MTMR8: variants seen among roughly 807,000 people sequenced by gnomAD.
MTMR8 encodes phosphatidylinositol-3,5-bisphosphate 3-phosphatase MTMR8.
MTMR8 carries 65 observed loss-of-function variants against 39.3 expected under a neutral mutation model. The ratio of observed to expected loss-of-function variants is 1.65; its 90% CI spans 1.35 to 2.03. The LOEUF is 2.03. Ranked by LOEUF, MTMR8 falls within the 30% of genes most tolerant of loss-of-function variation. The pLI is 0.00. For synonymous variants in MTMR8, 245 were observed against 185.2 expected (o/e 1.32, Z -2.62); for missense variants, 777 against 538.9 (o/e 1.44, Z -4.37).
chrX:64,312,079 A>G (rs900875399), intron 12 of MTMR8, among the ~76,000 whole-genome samples: 2 of 111,238 alleles, frequency 1.8e-5, no homozygotes, highest in African/African-American at 3.3e-5. Flanking sequence ...CATTGAATCT[A>G]TAAATTACCT....
In MTMR8 at chrX:64,348,701, G is replaced by A. The variant is rs1312322626; in HGVS notation, c.691C>T (p.Pro231Ser). The A allele has an allele frequency of 6.0e-5, 73 of 1,209,022 alleles. No individual in the cohort carries two copies. Among genetic ancestry groups the A allele is most frequent in the Non-Finnish European group, 7.8e-5 (70 of 894,537 alleles). ...LLLEAISQTNPGSQFMYVVDT... is the reference protein window; with the variant it reads ...LLLEAISQTNSGSQFMYVVDT... ...ACAACATACATAAACTGGCTCCCTG[G>A]GTTTGTTTGGCTAATGGCCTCCAAC... Residue 231 changes from proline to serine, a missense_variant, in exon 6 of 14, where the codon CCA becomes TCA. Pro to Ser is a moderately conservative substitution (Grantham distance 74). Coordinates refer to ENST00000374852, the MANE Select transcript of MTMR8 (RefSeq NM_017677.4).
intron 12 of MTMR8, among the ~76,000 whole-genome samples, chrX:64,301,098 T>C (rs1427891523): frequency 9.4e-5 from 10 of 106,809 alleles, no homozygotes; most frequent in African/African-American, 3.4e-4. Context: ...GCGTTCTCTG[T>C]ATTTCCTGAA....
intron 12 of MTMR8, among the ~76,000 whole-genome samples, chrX:64,313,002 T>C (rs1251846541): frequency 8.9e-6 from 1 of 112,218 alleles, no homozygotes; most frequent in Non-Finnish European, 1.9e-5. Flanking sequence ...CAGAATAGAT[T>C]TATTATAATT....
At chrX:64,363,623 C>G (rs1923857922) in intron 1 of MTMR8, among the ~76,000 whole-genome samples, 1 of 111,980 alleles carries the variant, frequency 8.9e-6, no homozygotes, top group Non-Finnish European at 1.9e-5. Context: ...CTCTTCTTTT[C>G]TAATATGGCC....
chrX:64,363,245 GT>G (rs1185316704), intron 1 of MTMR8, among the ~76,000 whole-genome samples: 1 of 111,988 alleles, frequency 8.9e-6, no homozygotes, highest in Non-Finnish European at 1.9e-5. Flanking sequence ...AGGTAATACA[GT>G]TTGGATACTT....
intron 2 of MTMR8, among the ~76,000 whole-genome samples, chrX:64,358,220 G>A (rs1366160277): frequency 9.0e-6 from 1 of 111,726 alleles, no homozygotes; most frequent in Admixed American, 9.5e-5. Context: ...AGCCCAAGGA[G>A]TAAGAATCAC....
intron 12 of MTMR8, among the ~76,000 whole-genome samples, chrX:64,299,795 G>T (rs1921775511): frequency 1.0e-5 from 1 of 100,442 alleles, no homozygotes; most frequent in Non-Finnish European, 2.0e-5. Flanking sequence ...GTTCTCGTTG[G>T]TTTCAAAGAA....
chrX:64,296,751 C>A (rs1921609170), intron 12 of MTMR8, among the ~76,000 whole-genome samples: 3 of 95,932 alleles, frequency 3.1e-5, no homozygotes, highest in Admixed American at 1.2e-4. Flanking sequence ...CCAACACAGT[C>A]CCCAGAGTGT....
rs375171592 is a variant in MTMR8, at chrX:64,349,929, C to A, written c.597+13G>T. 2 of 1,122,725 alleles carry A rather than the reference C, an allele frequency of 1.8e-6. No homozygotes were observed. The highest frequency in any genetic ancestry group is 3.7e-5 in the African/African-American group (2 of 53,756). 92.5% of individuals were successfully genotyped at this position (1,122,725 alleles called of 1,213,427 possible). ...CATGTTTAATTATCATTAGAGAAATCTGCTTAACTTACATTGTTCTCTTTG... is the reference window on the plus strand; with the variant it reads ...CATGTTTAATTATCATTAGAGAAATATGCTTAACTTACATTGTTCTCTTTG... On this transcript the variant is annotated intron_variant, in intron 5 of 13. Transcript: ENST00000374852.
chrX:64,326,167 G>A (rs762619813), intron 12 of MTMR8, among the ~76,000 whole-genome samples: 2 of 111,425 alleles, frequency 1.8e-5, no homozygotes, highest in African/African-American at 3.3e-5. Context: ...TATCATCTTT[G>A]TGTTGAGTAG....
intron 12 of MTMR8, among the ~76,000 whole-genome samples, chrX:64,280,802 T>C (rs919625588): frequency 1.3e-4 from 14 of 111,576 alleles, no homozygotes; most frequent in African/African-American, 4.2e-4. Flanking sequence ...GAAAACATTA[T>C]TGTCTCAGTT....
In MTMR8 at chrX:64,331,578, T is replaced by C; in HGVS notation, c.1331A>G (p.Gln444Arg). The change falls in exon 11 of 14, where the codon CAG becomes CGG. Residue 444 changes from glutamine to arginine, a missense_variant. Gln to Arg is a conservative substitution (Grantham distance 43, BLOSUM62 1). Transcript: ENST00000374852. Reference protein sequence around the residue: ...CQFGNFLGNCQKDREDLRVYE... With the variant: ...CQFGNFLGNCRKDREDLRVYE... ...TCACCTTAGATCTTCCCGATCCTTC[T>C]GGCAGTTACCAAGGAAGTTTCCAAA... 1 of 1,210,546 alleles carries C rather than the reference T, an allele frequency of 8.3e-7. No individual in the cohort carries two copies. The highest frequency in any genetic ancestry group is 1.1e-6 in the Non-Finnish European group (1 of 894,715).
intron 12 of MTMR8, among the ~76,000 whole-genome samples, chrX:64,298,581 G>T (rs1221696291): frequency 1.1e-5 from 1 of 88,217 alleles, no homozygotes; most frequent in Non-Finnish European, 1.9e-5. Flanking sequence ...TCCTTCTCCT[G>T]TCTAATTGCC....
intron 12 of MTMR8, among the ~76,000 whole-genome samples, chrX:64,272,796 T>C (rs1931790278): frequency 9.0e-6 from 1 of 111,711 alleles, no homozygotes; most frequent in African/African-American, 3.3e-5. Flanking sequence ...ACTTGTCATA[T>C]GCAGGAAAAT....
In MTMR8 at chrX:64,278,459, GGTTTTTTTTTTTTT is replaced by G. The variant is rs1470222943; in HGVS notation, c.1482-7400_1482-7387del. ...TGATGTTGATGCTATTTATTTTGCT[GGTTTTTTTTTTTTT>G]TTTTTTTTTTTTTTTTTTGAGATGG... On this transcript the variant is annotated intron_variant, in intron 12 of 13. Coordinates refer to ENST00000374852, the MANE Select transcript of MTMR8 (RefSeq NM_017677.4). 6.4e-4 allele frequency among the ~76,000 whole-genome samples: 32 copies of G among 49,868 alleles called. 1 individual carries two copies. Among genetic ancestry groups the G allele is most frequent in the African/African-American group, 3.5e-3 (31 of 8,741 alleles). The allele number at this position is 49,868 out of a possible 115,157, so 43.3% of individuals were successfully genotyped here. A position where few individuals can be genotyped will look rare whatever the true frequency, so the allele number is the denominator to read the frequency against.
In MTMR8 at chrX:64,286,003, CA is replaced by C. The variant is rs201817818; in HGVS notation, c.1482-14931del. 7.2e-5 allele frequency among the ~76,000 whole-genome samples: 8 copies of C among 111,278 alleles called. No homozygotes were observed. In the East Asian group the frequency reaches 1.7e-3, roughly 24 times the overall value. On this transcript the variant is annotated intron_variant, in intron 12 of 13. Coordinates refer to ENST00000374852, the MANE Select transcript of MTMR8 (RefSeq NM_017677.4). ...AGCAGAAATGAAGGACACAGAGACACAAAAAACTCTTCAAAAAATCAATGAA... is the reference window on the plus strand; with the variant it reads ...AGCAGAAATGAAGGACACAGAGACACAAAAACTCTTCAAAAAATCAATGAA...
At position 64,328,775 on chromosome X, in the gene MTMR8, A is replaced by G; in HGVS notation, c.1478T>C (p.Ile493Thr). 1 of 1,156,158 alleles carries G rather than the reference A, an allele frequency of 8.6e-7. No individual in the cohort carries two copies. Among genetic ancestry groups the G allele is most frequent in the Non-Finnish European group, 1.1e-6 (1 of 871,522 alleles). Residue 493 changes from isoleucine (I) to threonine (T), a missense_variant, in exon 12 of 14, where the codon ATT becomes ACT. By Grantham distance (89) the Ile-to-Thr change is moderately conservative. Transcript: ENST00000374852. ...AGGGAAAAACTTAAGAACTTACTGA[A>G]TGTTGTAGGGCACAGTACTAGGATT... ...VLNPSTVPYN[I>T]QFWCGMYNRF...
intron 12 of MTMR8, among the ~76,000 whole-genome samples, chrX:64,275,107 G>T (rs2050717365): frequency 9.0e-6 from 1 of 111,379 alleles, no homozygotes; most frequent in South Asian, 3.8e-4. Flanking sequence ...ATGTTAATTA[G>T]CTTGATTTAA....
At chrX:64,364,120 C>T (rs183635417) in intron 1 of MTMR8, among the ~76,000 whole-genome samples, 37 of 112,584 alleles carry the variant, frequency 3.3e-4, no homozygotes, top group Admixed American at 3.2e-3. Flanking sequence ...TGCAACTCTG[C>T]AAGGCCTGCT....
Sources: gnomAD v4.1 joint callset for allele counts (sites outside exome capture counted in the v4.1 genomes callset) on GRCh38, gnomAD v4.1.1 for gene constraint, MANE v1.5 for transcripts, NCBI Gene and HGNC (gene_info 2026-07-23, HGNC 2026-07-21) for gene names.